ZNF551: variants seen among roughly 807,000 people sequenced by gnomAD.
The protein encoded by ZNF551 is KOX 23 protein (56 AA).
A neutral mutation model predicts 7.9 loss-of-function variants in ZNF551; 5 were observed. The ratio of observed to expected loss-of-function variants is 0.63; its 90% CI spans 0.33 to 1.33. The LOEUF (loss-of-function observed/expected upper bound fraction) is 1.33, where lower values mean the gene tolerates loss of function less well. ZNF551 is among the 40% of genes most tolerant of loss of function. The pLI is 0.05. For missense variants in ZNF551, 788 were observed against 825.2 expected (o/e 0.95, Z 0.55); for synonymous variants, 287 against 277.3 (o/e 1.03, Z -0.35).
chr19:57,687,934 T>C lies in ZNF551; in HGVS notation c.1659T>C (p.His553=). ...GCCTCATTCAGCACCGGAGACTTCA[T>C]ACTGGAGAAAGGCCTTATGAATGTA... ...RSGLIQHRRL[H]TGERPYECSE... is the part of the protein sequence containing the mutation. Residue 553 remains histidine (H), a synonymous_variant, in exon 3 of 3, where the codon CAT becomes CAC. Coordinates refer to ENST00000282296, the MANE Select transcript of ZNF551 (RefSeq NM_138347.5). The C allele has an allele frequency of 6.2e-7, 1 of 1,613,584 alleles. No individual in the cohort carries two copies. Among genetic ancestry groups the C allele is most frequent in the Admixed American group, 1.7e-5 (1 of 59,996 alleles).
At chr19:57,685,946 C>T (rs779892008) in intron 2 of ZNF551, among the ~76,000 whole-genome samples, 5 of 152,352 alleles carry the variant, frequency 3.3e-5, no homozygotes, top group Middle Eastern at 3.4e-3. Context: ...ACTTCTACTT[C>T]CCTATACAAT....
In ZNF551 at chr19:57,688,467, C is replaced by T; in HGVS notation, c.*179C>T. On this transcript the variant is annotated 3_prime_UTR_variant, in exon 3 of 3. Transcript: ENST00000282296. ...TTTCTAATCTGCCGAGGCCTATAGC[C>T]TGATTTATGTCACTGCCAATTTCTG... The T allele has an allele frequency of 1.2e-6, 1 of 837,474 alleles. No homozygotes were observed. Among genetic ancestry groups the T allele is most frequent in the East Asian group, 2.7e-5 (1 of 37,266 alleles). 51.9% of individuals were successfully genotyped at this position (837,474 alleles called of 1,614,324 possible). A position where few individuals can be genotyped will look rare whatever the true frequency, so the allele number is the denominator to read the frequency against.
intron 1 of ZNF551, among the ~76,000 whole-genome samples, chr19:57,682,786 G>A (rs1984431402): frequency 6.6e-6 from 1 of 152,184 alleles, no homozygotes; most frequent in South Asian, 2.1e-4. Flanking sequence ...CAGGGTCATT[G>A]GGCGACCTGA....
In ZNF551 at chr19:57,688,213, T is replaced by C; in HGVS notation, c.1938T>C (p.Ser646=). The C allele has an allele frequency of 6.2e-7, 1 of 1,614,210 alleles. No homozygotes were observed. Among genetic ancestry groups the C allele is most frequent in the Non-Finnish European group, 8.5e-7 (1 of 1,180,048 alleles). Residue 646 remains serine (S), a synonymous_variant, in exon 3 of 3, where the codon AGT becomes AGC. Coordinates refer to ENST00000282296, the MANE Select transcript of ZNF551 (RefSeq NM_138347.5). ...CTGGAGAAAGGCCTTATGAATGCAGTGAATGTGGGAAATCCTTTAGCCGCA... is the reference window on the plus strand; with the variant it reads ...CTGGAGAAAGGCCTTATGAATGCAGCGAATGTGGGAAATCCTTTAGCCGCA... ...VHTGERPYEC[S]ECGKSFSRKS...
At position 57,682,261 on chromosome 19, in the gene ZNF551, C is replaced by G; in HGVS notation, c.81+17C>G. 1 of 1,548,900 alleles carries G rather than the reference C, an allele frequency of 6.5e-7. No individual in the cohort carries two copies. Among genetic ancestry groups the G allele is most frequent in the Non-Finnish European group, 8.7e-7 (1 of 1,145,896 alleles). Reference sequence around the variant, plus strand: ...TCGGCTCAGGTGAGTTGTGCGTCCTCCGGGTCTCGCCTACCTCCCCCAGCA... The same window carrying G: ...TCGGCTCAGGTGAGTTGTGCGTCCTGCGGGTCTCGCCTACCTCCCCCAGCA... On this transcript the variant is annotated intron_variant, in intron 1 of 2. Coordinates refer to ENST00000282296, the MANE Select transcript of ZNF551 (RefSeq NM_138347.5).
At chr19:57,685,541 A>G in intron 2 of ZNF551, 156 bp downstream of exon 2, 1 of 1,177,764 alleles carries the variant, frequency 8.5e-7, no homozygotes. Context: ...CTTGTGGCCC[A>G]GTTTCTGCCC....
Position 57,688,525 on chromosome 19 carries a change from A to G in ZNF551, c.*237A>G. 1.7e-6 allele frequency: 1 copy of G among 575,028 alleles called. No homozygotes were observed. 35.6% of individuals were successfully genotyped at this position (575,028 alleles called of 1,614,324 possible). A position where few individuals can be genotyped will look rare whatever the true frequency, so the allele number is the denominator to read the frequency against. On this transcript the variant is annotated 3_prime_UTR_variant, in exon 3 of 3. Transcript: ENST00000282296. ...AGCCATTTCACATTTCACCCCTACC[A>G]CCTGGCAGGTGCACACCATGTGCAT...
chr19:57,687,526 G>A lies in ZNF551; in HGVS notation c.1251G>A (p.Met417Ile), dbSNP rs760857340. Reference sequence around the variant, plus strand: ...ATAGAAGAGTTCACACTGGAGAAATGCCTTATCAGTGCAGTGATTGTGGGA... The same window carrying A: ...ATAGAAGAGTTCACACTGGAGAAATACCTTATCAGTGCAGTGATTGTGGGA... ...IRHRRVHTGEMPYQCSDCGKS... is the reference protein window; with the variant it reads ...IRHRRVHTGEIPYQCSDCGKS... The change falls in exon 3 of 3, where the codon ATG becomes ATA. Residue 417 changes from methionine (M) to isoleucine (I), a missense_variant. By Grantham distance (10) the Met-to-Ile change is conservative (BLOSUM62 1). Transcript: ENST00000282296. The A allele has an allele frequency of 4.3e-6, 7 of 1,614,010 alleles. No homozygotes were observed. Among genetic ancestry groups the A allele is most frequent in the Non-Finnish European group, 5.9e-6 (7 of 1,180,012 alleles).
At chr19:57,684,663 G>A (rs1984496040) in intron 1 of ZNF551, among the ~76,000 whole-genome samples, 1 of 152,120 alleles carries the variant, frequency 6.6e-6, no homozygotes, top group Middle Eastern at 3.2e-3. Context: ...ATGGAGAGGA[G>A]GATGAACAGG....
chr19:57,686,266 G>A (rs560322724), intron 2 of ZNF551, among the ~76,000 whole-genome samples: 2 of 152,110 alleles, frequency 1.3e-5, no homozygotes, highest in Admixed American at 1.3e-4. Flanking sequence ...TTCTCCTCCT[G>A]TGCTATACCT....
In ZNF551 at chr19:57,687,568, A is replaced by G. The variant is rs750308584; in HGVS notation, c.1293A>G (p.Lys431=). 1.2e-6 allele frequency: 2 copies of G among 1,614,176 alleles called. No homozygotes were observed. Among genetic ancestry groups the G allele is most frequent in the East Asian group, 2.2e-5 (1 of 44,878 alleles). Residue 431 remains lysine, a synonymous_variant, in exon 3 of 3, where the codon AAA becomes AAG. Transcript: ENST00000282296. The part of the protein sequence containing the change: ...CSDCGKSFSC[K]SELIQHQRIH... ...ATTGTGGGAAATCTTTTAGCTGCAA[A>G]TCGGAACTCATTCAACACCAGAGAA...
intron 1 of ZNF551, among the ~76,000 whole-genome samples, chr19:57,682,485 C>G (rs767626859): frequency 1.3e-5 from 2 of 152,174 alleles, no homozygotes; most frequent in Non-Finnish European, 2.9e-5. Context: ...TGGGGTCCGT[C>G]TCGGGTCTGC....
chr19:57,688,176 A>G lies in ZNF551; in HGVS notation c.1901A>G (p.Gln634Arg). 1.2e-6 allele frequency: 2 copies of G among 1,614,100 alleles called. No individual in the cohort carries two copies. The highest frequency in any genetic ancestry group is 1.7e-5 in the Admixed American group (1 of 60,024). The change falls in exon 3 of 3, where the codon CAA becomes CGA. Residue 634 changes from glutamine (Q) to arginine (R), a missense_variant. Transcript: ENST00000282296. The part of the protein sequence containing the change: ...FTHKSDLIQH[Q>R]RVHTGERPYE... ...CACAAATCAGACCTTATTCAGCACC[A>G]AAGAGTTCACACTGGAGAAAGGCCT...
At position 57,689,428 on chromosome 19, in the gene ZNF551, A is replaced by G. The variant is rs1205620584; in HGVS notation, c.*1140A>G. 6.6e-6 allele frequency: 1 copy of G among 152,250 alleles called. No individual in the cohort carries two copies. The highest frequency in any genetic ancestry group is 1.5e-5 in the Non-Finnish European group (1 of 68,040). 9.4% of individuals were successfully genotyped at this position (152,250 alleles called of 1,614,324 possible). A position where few individuals can be genotyped will look rare whatever the true frequency, so the allele number is the denominator to read the frequency against. ...GAATGACTCTTCTAAAAGTTCATCT[A>G]CAAATTTTCCAGTGAATATGGTTGT... is the stretch of plus-strand genomic sequence containing the variant. On this transcript the variant is annotated 3_prime_UTR_variant, in exon 3 of 3. Transcript: ENST00000282296.
At position 57,687,597 on chromosome 19, in the gene ZNF551, A is replaced by C; in HGVS notation, c.1322A>C (p.His441Pro). 1 of 1,614,254 alleles carries C rather than the reference A, an allele frequency of 6.2e-7. No homozygotes were observed. Among genetic ancestry groups the C allele is most frequent in the Non-Finnish European group, 8.5e-7 (1 of 1,180,042 alleles). Residue 441 changes from histidine (H) to proline (P), a missense_variant, in exon 3 of 3, where the codon CAC (histidine) becomes CCC (proline). By Grantham distance (77) the His-to-Pro change is moderately conservative (BLOSUM62 -2). Coordinates refer to ENST00000282296, the MANE Select transcript of ZNF551 (RefSeq NM_138347.5). ...KSELIQHQRI[H>P]SGERPYECRE... ...GAACTCATTCAACACCAGAGAATTC[A>C]CAGTGGAGAAAGACCTTATGAATGC...
chr19:57,685,559 C>T, intron 2 of ZNF551, 174 bp downstream of exon 2: 2 of 928,346 alleles, frequency 2.2e-6, no homozygotes, highest in Non-Finnish European at 3.4e-6. Context: ...CCCTTTTCCT[C>T]TAGCTGCCAT....
intron 1 of ZNF551, 28 bp from the exon 2 acceptor site, chr19:57,685,234 G>A (rs375737849): frequency 2.0e-5 from 32 of 1,611,888 alleles, no homozygotes; most frequent in Non-Finnish European, 2.4e-5. Flanking sequence ...GGGTCTGATC[G>A]TGGATTGAAC....
At chr19:57,685,537 G>A (rs1568455360) in intron 2 of ZNF551, 152 bp downstream of exon 2, 2 of 1,240,010 alleles carry the variant, frequency 1.6e-6, no homozygotes, top group African/African-American at 3.0e-5. Flanking sequence ...GTACCTTGTG[G>A]CCCAGTTTCT....
rs1267734067 is a variant in ZNF551 at position 57,687,108 on chromosome 19, T to C, written c.833T>C (p.Met278Thr). The part of the protein sequence containing the change: ...QHQQIHTGQK[M>T]FECSECEESF... Reference sequence around the variant, plus strand: ...CAGCAAATTCACACTGGACAAAAGATGTTTGAGTGTAGTGAATGTGAGGAA... The same window carrying C: ...CAGCAAATTCACACTGGACAAAAGACGTTTGAGTGTAGTGAATGTGAGGAA... Residue 278 changes from methionine to threonine, a missense_variant, in exon 3 of 3, where the codon ATG becomes ACG. Physicochemically the swap from Met to Thr is moderately conservative, Grantham distance 81 (BLOSUM62 -1). Transcript: ENST00000282296. The C allele has an allele frequency of 1.2e-6, 2 of 1,614,180 alleles. No individual in the cohort carries two copies. The highest frequency in any genetic ancestry group is 2.2e-5 in the South Asian group (2 of 91,084).
Sources: gnomAD v4.1 joint callset for allele counts (sites outside exome capture counted in the v4.1 genomes callset) on GRCh38, gnomAD v4.1.1 for gene constraint, MANE v1.5 for transcripts, NCBI Gene and HGNC (gene_info 2026-07-23, HGNC 2026-07-21) for gene names.